ZBTB7C: variants seen among roughly 807,000 people sequenced by gnomAD.
ZBTB7C encodes zinc finger and BTB domain-containing protein 7C.
In ZBTB7C, 8 loss-of-function variants were observed where a neutral mutation model predicts 25.7. The ratio of observed to expected loss-of-function variants is 0.31; its 90% confidence interval spans 0.18 to 0.56. The LOEUF (loss-of-function observed/expected upper bound fraction) is 0.56. Among genes scored for constraint, ZBTB7C ranks in the 20% least tolerant of loss-of-function variants. ZBTB7C has a pLI of 0.91. For synonymous variants in ZBTB7C, 394 were observed against 369.0 expected (o/e 1.07, Z -0.78); for missense variants, 824 against 855.2 (o/e 0.96, Z 0.46).
At chr18:48,283,949 C>A (rs2044949717) in intron 2 of ZBTB7C, among the ~76,000 whole-genome samples, 1 of 152,024 alleles carries the variant, frequency 6.6e-6, no homozygotes, top group Admixed American at 6.6e-5. Context: ...GAGTTCAAGA[C>A]CAGCCTGGGC....
chr18:48,241,349 GGTGGA>G (rs1316760298), intron 2 of ZBTB7C, among the ~76,000 whole-genome samples: 2 of 152,058 alleles, frequency 1.3e-5, no homozygotes, highest in African/African-American at 2.4e-5. Context: ...TAGAACAAAT[GGTGGA>G]CTTAACAGAT....
intron 2 of ZBTB7C, among the ~76,000 whole-genome samples, chr18:48,292,054 T>G (rs1448801390): frequency 1.3e-5 from 2 of 151,880 alleles, no homozygotes; most frequent in Non-Finnish European, 2.9e-5. Context: ...AAATATTAGC[T>G]GGGCGTGGTG....
At chr18:48,356,951 A>G (rs1174639389) in intron 1 of ZBTB7C, among the ~76,000 whole-genome samples, 2 of 152,090 alleles carry the variant, frequency 1.3e-5, no homozygotes, top group Non-Finnish European at 2.9e-5. Flanking sequence ...ACACTGCCCT[A>G]TGTGGCCCTG....
Position 48,028,206 on chromosome 18 carries a change from C to A in ZBTB7C, c.*1054G>T, listed in dbSNP as rs2035586076. The A allele has an allele frequency of 6.6e-6, 1 of 152,192 alleles. No homozygotes were observed. The highest frequency in any genetic ancestry group is 2.4e-5 in the African/African-American group (1 of 41,414). 9.4% of individuals were successfully genotyped at this position (152,192 alleles called of 1,614,324 possible). On this transcript the variant is annotated 3_prime_UTR_variant, in exon 5 of 5. Transcript: ENST00000590800. ...TTGCCAGGTGTTAAGAGGTGGCCCC[C>A]ATCTCTTCGATGTTGGCCCTGAGAG...
intron 4 of ZBTB7C, among the ~76,000 whole-genome samples, chr18:48,038,702 A>G (rs1168727100): frequency 6.6e-6 from 1 of 152,154 alleles, no homozygotes; most frequent in Non-Finnish European, 1.5e-5. Flanking sequence ...TACATCTCCA[A>G]GAGGAAGTGG....
intron 3 of ZBTB7C, among the ~76,000 whole-genome samples, chr18:48,094,224 G>A (rs996726198): frequency 4.6e-5 from 7 of 152,202 alleles, no homozygotes; most frequent in Non-Finnish European, 1.0e-4. Flanking sequence ...CCTGGATAAT[G>A]ATATCATCTG....
intron 3 of ZBTB7C, chr18:48,137,295 TTA>T (rs2040202099): frequency 1.0e-6 from 1 of 985,462 alleles, no homozygotes; most frequent in African/African-American, 1.7e-5. Context: ...ACGCTTCACT[TTA>T]TGACACCAAA....
At position 48,313,830 on chromosome 18, in the gene ZBTB7C, T is replaced by C. The variant is rs548811144; in HGVS notation, c.-79+24344A>G. ...TCTCATGTTGAAATGTGATTCCCAA[T>C]GTTGGAGGTAGGGCCCGGTGGGAGG... is the stretch of plus-strand genomic sequence containing the variant. On this transcript the variant is annotated intron_variant, in intron 2 of 4. Transcript: ENST00000590800. 6.3e-4 allele frequency among the ~76,000 whole-genome samples: 96 copies of C among 152,272 alleles called. No individual in the cohort carries two copies. In the South Asian group the frequency reaches 0.019, roughly 30 times the overall value.
At chr18:48,289,961 T>C (rs1346442949) in intron 2 of ZBTB7C, among the ~76,000 whole-genome samples, 1 of 152,220 alleles carries the variant, frequency 6.6e-6, no homozygotes, top group Non-Finnish European at 1.5e-5. Context: ...TTGATATCTA[T>C]GTAGCAATAT....
At chr18:48,275,690 G>C (rs2044625815) in intron 2 of ZBTB7C, among the ~76,000 whole-genome samples, 1 of 152,160 alleles carries the variant, frequency 6.6e-6, no homozygotes, top group African/African-American at 2.4e-5. Flanking sequence ...TAGCATTAAG[G>C]GACCTGAAAC....
At chr18:48,137,563 C>T (rs964179327) in intron 3 of ZBTB7C, among the ~76,000 whole-genome samples, 2 of 152,172 alleles carry the variant, frequency 1.3e-5, no homozygotes, top group East Asian at 3.8e-4. Flanking sequence ...AACCTAAGCC[C>T]AATAAAATTA....
Position 48,336,400 on chromosome 18 carries a change from T to C in ZBTB7C, c.-79+1774A>G, listed in dbSNP as rs193185250. On this transcript the variant is annotated intron_variant, in intron 2 of 4. Transcript: ENST00000590800. The stretch of plus-strand genomic sequence containing the variant: ...ACCGATCACTTATTATGGTGCCAGC[T>C]GCTGTCCTAAGTGTGTTACATGTTT... Among the ~76,000 whole-genome samples, 3 of 152,338 alleles carry C rather than the reference T, an allele frequency of 2.0e-5. No individual in the cohort carries two copies. The East Asian group carries it at 5.8e-4, about 29-fold the overall frequency.
intron 3 of ZBTB7C, among the ~76,000 whole-genome samples, chr18:48,125,777 G>C (rs1007673584): frequency 6.6e-6 from 1 of 152,226 alleles, no homozygotes; most frequent in African/African-American, 2.4e-5. Flanking sequence ...ATCCAGGGCA[G>C]GAACCCTGCC....
chr18:48,356,047 T>C (rs1344772456), intron 1 of ZBTB7C, among the ~76,000 whole-genome samples: 1 of 89,388 alleles, frequency 1.1e-5, no homozygotes, highest in Non-Finnish European at 2.2e-5. Flanking sequence ...AATCAGATGC[T>C]CTGGTGGTGG....
chr18:48,211,922 A>T (rs2042711186), intron 2 of ZBTB7C, among the ~76,000 whole-genome samples: 1 of 152,222 alleles, frequency 6.6e-6, no homozygotes, highest in South Asian at 2.1e-4. Context: ...ATAATCATCA[A>T]AACTTGGAAG....
Position 48,143,451 on chromosome 18 carries a change from T to C in ZBTB7C, c.-17+42483A>G, listed in dbSNP as rs142728634. On this transcript the variant is annotated intron_variant, in intron 3 of 4. Transcript: ENST00000590800. Reference sequence around the variant, plus strand: ...CCTCACCCTAGGACAAACAACTAATTCACCTTATATTAAATTACCACTTAC... The same window carrying C: ...CCTCACCCTAGGACAAACAACTAATCCACCTTATATTAAATTACCACTTAC... Among the ~76,000 whole-genome samples, 1,029 of 152,234 alleles carry C rather than the reference T, an allele frequency of 6.8e-3. 7 individuals are homozygous for C. Among genetic ancestry groups the C allele is most frequent in the Non-Finnish European group, 0.011 (721 of 68,004 alleles).
At chr18:48,270,232 C>T (rs2044434579) in intron 2 of ZBTB7C, among the ~76,000 whole-genome samples, 1 of 150,610 alleles carries the variant, frequency 6.6e-6, no homozygotes, top group Admixed American at 6.6e-5. Flanking sequence ...AAAACCTAAA[C>T]CTAGTTCTTT....
At chr18:48,264,686 C>T (rs570436347) in intron 2 of ZBTB7C, among the ~76,000 whole-genome samples, 2 of 152,156 alleles carry the variant, frequency 1.3e-5, no homozygotes, top group African/African-American at 2.4e-5. Flanking sequence ...CCCCCTAACC[C>T]GGCCAGCTCC....
At chr18:48,055,964 G>A (rs528229602) in intron 3 of ZBTB7C, among the ~76,000 whole-genome samples, 1 of 152,250 alleles carries the variant, frequency 6.6e-6, no homozygotes, top group South Asian at 2.1e-4. Flanking sequence ...CTAGAAGGTC[G>A]GCTTCCCATT....
Sources: gnomAD v4.1 joint callset for allele counts (sites outside exome capture counted in the v4.1 genomes callset) on GRCh38, gnomAD v4.1.1 for gene constraint, MANE v1.5 for transcripts, NCBI Gene and HGNC (gene_info 2026-07-23, HGNC 2026-07-21) for gene names.